The following ATF7IP2 variants were observed in gnomAD, a reference collection of about 807,000 sequenced individuals.
The protein encoded by ATF7IP2 is activating transcription factor 7-interacting protein 2.
Under a neutral mutation model 64.2 loss-of-function variants are expected in ATF7IP2, and 42 were observed. The observed-to-expected ratio is 0.65, with a 90% CI of 0.51 to 0.85. The LOEUF is 0.85. Among genes scored for constraint, ATF7IP2 ranks in the 40% least tolerant of loss-of-function variants. ATF7IP2 has a pLI of 0.00. For missense variants in ATF7IP2, 933 were observed against 784.2 expected (o/e 1.19, Z -2.27); for synonymous variants, 308 against 272.8 (o/e 1.13, Z -1.27).
intron 12 of ATF7IP2, 113 bp from the exon 13 acceptor site, chr16:10,480,766 T>G: frequency 2.6e-6 from 2 of 775,798 alleles, no homozygotes; most frequent in South Asian, 1.6e-5. Context: ...ATTCACAGTT[T>G]TATAATTTTA....
chr16:10,431,724 A>G lies in ATF7IP2; in HGVS notation c.835+269A>G, dbSNP rs552056747. Reference sequence around the variant, plus strand: ...GTGGTTTATAGCAATTATTTGGTTCATTTCATATACATCTCTTCTTATTTT... The same window carrying G: ...GTGGTTTATAGCAATTATTTGGTTCGTTTCATATACATCTCTTCTTATTTT... On this transcript the variant is annotated intron_variant, in intron 5 of 13. Coordinates refer to ENST00000562102, the MANE Select transcript of ATF7IP2 (RefSeq NM_001393719.1). Among the ~76,000 whole-genome samples the G allele has an allele frequency of 5.3e-5, 8 of 151,966 alleles. No homozygotes were observed. The South Asian group carries it at 1.7e-3, about 32-fold the overall frequency.
At chr16:10,420,992 G>C (rs911824930) in intron 3 of ATF7IP2, among the ~76,000 whole-genome samples, 1 of 152,164 alleles carries the variant, frequency 6.6e-6, no homozygotes, top group African/African-American at 2.4e-5. Context: ...TTCAAAAATT[G>C]AAACAGTTTT....
At chr16:10,462,007 T>C (rs1184926031) in intron 9 of ATF7IP2, among the ~76,000 whole-genome samples, 14 of 152,142 alleles carry the variant, frequency 9.2e-5, no homozygotes. Flanking sequence ...CTCTCTGTTA[T>C]AGCCATCTTT....
chr16:10,461,424 A>G (rs1256350128), intron 9 of ATF7IP2, among the ~76,000 whole-genome samples: 1 of 152,130 alleles, frequency 6.6e-6, no homozygotes, highest in Non-Finnish European at 1.5e-5. Context: ...AGCATTTTTT[A>G]TAATGGCCAA....
chr16:10,478,477 TC>T (rs1216825234), intron 12 of ATF7IP2, among the ~76,000 whole-genome samples: 8 of 152,292 alleles, frequency 5.3e-5, no homozygotes, highest in African/African-American at 1.9e-4. Flanking sequence ...CTGGATCCCT[TC>T]CTTACACCTT....
At chr16:10,400,714 G>T (rs2047512996) in intron 1 of ATF7IP2, among the ~76,000 whole-genome samples, 1 of 152,096 alleles carries the variant, frequency 6.6e-6, no homozygotes, top group South Asian at 2.1e-4. Flanking sequence ...ACAGAGTCTT[G>T]CTCTGTTGCC....
intron 1 of ATF7IP2, among the ~76,000 whole-genome samples, chr16:10,388,904 C>T (rs1372229376): frequency 7.9e-5 from 12 of 151,728 alleles, no homozygotes; most frequent in East Asian, 1.9e-4. Flanking sequence ...CCCAGCTTCT[C>T]GGGAAGCTGA....
chr16:10,450,198 ATTC>A lies in ATF7IP2; in HGVS notation c.1195-7171_1195-7169del, dbSNP rs1361204793. ...GGTCTGAGAGACTGTTAGGATTCCC[ATTC>A]TTGTGCATTTGCTAAGGAGTGTTTT... On this transcript the variant is annotated intron_variant, in intron 8 of 13. Transcript: ENST00000562102. Among the ~76,000 whole-genome samples the A allele has an allele frequency of 2.0e-5, 3 of 151,726 alleles. No homozygotes were observed. In the East Asian group the frequency reaches 5.8e-4, roughly 29 times the overall value.
intron 1 of ATF7IP2, among the ~76,000 whole-genome samples, chr16:10,402,615 C>T (rs1164963695): frequency 1.3e-5 from 2 of 152,048 alleles, no homozygotes; most frequent in Admixed American, 6.6e-5. Context: ...AAGCATGTGC[C>T]ACCATGCTTG....
chr16:10,478,876 T>C (rs1475481542), intron 12 of ATF7IP2, among the ~76,000 whole-genome samples: 2 of 152,220 alleles, frequency 1.3e-5, no homozygotes, highest in African/African-American at 2.4e-5. Context: ...AAGACATTTA[T>C]GCAGCCAAAA....
chr16:10,440,598 C>A lies in ATF7IP2; in HGVS notation c.1194+136C>A, dbSNP rs999096099. On this transcript the variant is annotated intron_variant, in intron 8 of 13. Coordinates refer to ENST00000562102, the MANE Select transcript of ATF7IP2 (RefSeq NM_001393719.1). ...AGTTTTTACTTAGAGTGTTCCCATGCATCTGTCTCTGGAAAAGACACCCTT... is the reference window on the plus strand; with the variant it reads ...AGTTTTTACTTAGAGTGTTCCCATGAATCTGTCTCTGGAAAAGACACCCTT... 14 of 558,838 alleles carry A rather than the reference C, an allele frequency of 2.5e-5. No individual in the cohort carries two copies. The African/African-American group carries it at 2.6e-4, about 10-fold the overall frequency. 34.6% of individuals were successfully genotyped at this position (558,838 alleles called of 1,614,324 possible). A position where few individuals can be genotyped will look rare whatever the true frequency, so the allele number is the denominator to read the frequency against.
Position 10,477,156 on chromosome 16 carries a change from A to G in ATF7IP2, c.1549+3167A>G, listed in dbSNP as rs148427606. Among the ~76,000 whole-genome samples, 366 of 152,332 alleles carry G rather than the reference A, an allele frequency of 2.4e-3. 1 individual carries two copies. Among genetic ancestry groups the G allele is most frequent in the African/African-American group, 8.4e-3 (348 of 41,584 alleles). ...AGAAACTATCATCAGCGAACAGACA[A>G]CCTACAGAATGGGAGAAAATTTTTG... On this transcript the variant is annotated intron_variant, in intron 12 of 13. Coordinates refer to ENST00000562102, the MANE Select transcript of ATF7IP2 (RefSeq NM_001393719.1).
intron 1 of ATF7IP2, among the ~76,000 whole-genome samples, chr16:10,403,741 T>G (rs546229976): frequency 2.6e-5 from 4 of 152,208 alleles, no homozygotes; most frequent in African/African-American, 9.6e-5. Context: ...AATGAGAAAT[T>G]TACCAAGGAA....
intron 3 of ATF7IP2, among the ~76,000 whole-genome samples, chr16:10,423,166 C>A (rs961391418): frequency 2.6e-5 from 4 of 152,184 alleles, no homozygotes; most frequent in Admixed American, 2.0e-4. Context: ...ATGGCGTGAG[C>A]CTGGGAGGCG....
chr16:10,445,257 ATTT>A (rs1364808031), intron 8 of ATF7IP2: 2 of 152,076 alleles, frequency 1.3e-5, no homozygotes, highest in East Asian at 3.8e-4. Context: ...GATAATACCC[ATTT>A]CCCTTCTGAG....
intron 9 of ATF7IP2, among the ~76,000 whole-genome samples, chr16:10,470,863 G>A (rs560978530): frequency 6.6e-6 from 1 of 151,468 alleles, no homozygotes. Context: ...ATGTGTGTGT[G>A]TGTGTGTGTG....
At chr16:10,401,512 T>C (rs920216512) in intron 1 of ATF7IP2, among the ~76,000 whole-genome samples, 13 of 152,160 alleles carry the variant, frequency 8.5e-5, no homozygotes, top group African/African-American at 3.1e-4. Context: ...GCTAGTATGT[T>C]GTTTAGGATT....
intron 3 of ATF7IP2, among the ~76,000 whole-genome samples, chr16:10,423,576 C>G (rs1018151911): frequency 6.6e-6 from 1 of 152,130 alleles, no homozygotes; most frequent in African/African-American, 2.4e-5. Flanking sequence ...ACTGGGGCAT[C>G]TACTTTTCAC....
At chr16:10,424,951 G>C (rs2048053903) in intron 3 of ATF7IP2, among the ~76,000 whole-genome samples, 1 of 151,852 alleles carries the variant, frequency 6.6e-6, no homozygotes, top group African/African-American at 2.4e-5. Context: ...GTTAAATCTA[G>C]AGTTACCACA....
Sources: allele counts gnomAD v4.1 joint callset (sites outside exome capture counted in the v4.1 genomes callset), GRCh38; gene constraint gnomAD v4.1.1; transcripts MANE v1.5; gene names NCBI Gene and HGNC (gene_info 2026-07-23, HGNC 2026-07-21).